The following FER1L5 variants were observed in gnomAD, a reference collection of about 807,000 sequenced individuals.
The protein encoded by FER1L5 is fer-1-like protein 5.
In FER1L5, 187 loss-of-function variants were observed where a neutral mutation model predicts 279.9. The ratio of observed to expected loss-of-function variants is 0.67; its 90% CI spans 0.59 to 0.75. FER1L5 has a LOEUF of 0.75. Ranked by LOEUF, FER1L5 falls within the 30% of genes least tolerant of loss-of-function variation. The probability of loss-of-function intolerance (pLI) is 0.00; values close to 1 mark genes in which losing one functional copy is unlikely to be tolerated. For synonymous variants in FER1L5, 921 were observed against 989.7 expected, an observed-to-expected ratio of 0.93 and a Z score of 1.30; for missense variants, 2,091 against 2,594.4, an observed-to-expected ratio of 0.81 and a Z score of 4.21.
At chr2:96,677,488 A>T (rs2076550499) in intron 19 of FER1L5, among the ~76,000 whole-genome samples, 2 of 152,208 alleles carry the variant, frequency 1.3e-5, no homozygotes, top group Non-Finnish European at 2.9e-5. Context: ...ATTGCCAAAT[A>T]GTATTCCATC....
At position 96,694,729 on chromosome 2, in the gene FER1L5, C is replaced by A; in HGVS notation, c.3741+265C>A. The A allele has an allele frequency of 3.0e-6, 1 of 334,880 alleles. No homozygotes were observed. The highest frequency in any genetic ancestry group is 5.4e-6 in the Non-Finnish European group (1 of 185,956). The allele number at this position is 334,880 out of a possible 1,614,324, so 20.7% of individuals were successfully genotyped here. A position where few individuals can be genotyped will look rare whatever the true frequency, so the allele number is the denominator to read the frequency against. ...ACTTGTGGGACTCACGCTGCCCCTG[C>A]GCAGTAGCAACTACTTTGCAGAGAA... On this transcript the variant is annotated intron_variant, in intron 34 of 52. Transcript: ENST00000624922. The surrounding 1 kb of genome is among the most constrained non-coding windows in gnomAD (Gnocchi z 4.6).
At chr2:96,671,610 T>A (rs139680197) in intron 18 of FER1L5, among the ~76,000 whole-genome samples, 1 of 152,254 alleles carries the variant, frequency 6.6e-6, no homozygotes, top group Non-Finnish European at 1.5e-5. Context: ...GACACAGGGA[T>A]GTGACATCAA....
chr2:96,659,354 C>CTTTCT (rs1558853488), intron 9 of FER1L5, among the ~76,000 whole-genome samples: 6 of 64,396 alleles, frequency 9.3e-5, no homozygotes, highest in Non-Finnish European at 1.4e-4. Flanking sequence ...TCCTTCCTTC[C>CTTTCT]TTCCTTCCTT....
At chr2:96,665,667 C>T (rs555496228) in intron 14 of FER1L5, among the ~76,000 whole-genome samples, 2 of 151,620 alleles carry the variant, frequency 1.3e-5, no homozygotes, top group Non-Finnish European at 2.9e-5. Context: ...TGCAATGGCG[C>T]GATCTCGGCT....
chr2:96,675,588 G>T (rs541954806), intron 19 of FER1L5, among the ~76,000 whole-genome samples: 3 of 151,842 alleles, frequency 2.0e-5, no homozygotes, highest in Non-Finnish European at 4.4e-5. Flanking sequence ...CACCATGCCC[G>T]GCTAATTTTT....
chr2:96,691,317 G>C lies in FER1L5; in HGVS notation c.2871G>C (p.Leu957=), dbSNP rs1270643491. ...TGCGCTTCAGGAACCATGGGGAGCT[G>C]AGCCACGAGCAGGAGACCCTCTCCT... ...ARVRFRNHGE[L]SHEQETLSFL... is the part of the protein sequence containing the mutation. The change falls in exon 28 of 53, where the codon CTG becomes CTC. Residue 957 remains leucine, a synonymous_variant. Transcript: ENST00000624922. This position sits in a 1 kb window ranked among gnomAD's most constrained non-coding sequence, Gnocchi z 6.0. 1.5e-5 allele frequency: 23 copies of C among 1,550,434 alleles called. No individual in the cohort carries two copies. The highest frequency in any genetic ancestry group is 1.9e-5 in the Non-Finnish European group (22 of 1,146,738).
rs2106634854 is a variant in FER1L5, at chr2:96,689,389, G to T, written c.2525+13G>T. On this transcript the variant is annotated intron_variant, in intron 25 of 52. Coordinates refer to ENST00000624922, the MANE Select transcript of FER1L5 (RefSeq NM_001293083.2). This position sits in a 1 kb window ranked among gnomAD's most constrained non-coding sequence, Gnocchi z 4.6. The stretch of plus-strand genomic sequence containing the variant: ...AACCTCAGAGAAGGTAAGGCCAGAG[G>T]GGGCAGGCCCCACCAGAGGGGACAC... 6.5e-7 allele frequency: 1 copy of T among 1,546,850 alleles called. No homozygotes were observed. Among genetic ancestry groups the T allele is most frequent in the East Asian group, 2.4e-5 (1 of 40,898 alleles).
chr2:96,700,047 T>C lies in FER1L5; in HGVS notation c.4897T>C (p.Tyr1633His). Residue 1633 changes from tyrosine (Y) to histidine (H), a missense_variant, in exon 44 of 53, where the codon TAT becomes CAT. Physicochemically the swap from Tyr to His is moderately conservative, Grantham distance 83 (BLOSUM62 2). Coordinates refer to ENST00000624922, the MANE Select transcript of FER1L5 (RefSeq NM_001293083.2). ...LFSPEEDAVF[Y>H]NGKKFKLQSF... ...CAGTCCTGAGGAAGATGCTGTTTTC[T>C]ATAATGGGAAAAAGTTCAAGCTGCA... 1.2e-6 allele frequency: 2 copies of C among 1,613,910 alleles called. No individual in the cohort carries two copies. The highest frequency in any genetic ancestry group is 1.1e-5 in the South Asian group (1 of 91,072).
rs762674473 is a variant in FER1L5 at position 96,691,868 on chromosome 2, A to C, written c.3119A>C (p.Lys1040Thr). 1.3e-6 allele frequency: 2 copies of C among 1,551,584 alleles called. No individual in the cohort carries two copies. The highest frequency in any genetic ancestry group is 1.4e-5 in the African/African-American group (1 of 73,162). The change falls in exon 30 of 53, where the codon AAG becomes ACG. Residue 1040 changes from lysine to threonine, a missense_variant. By Grantham distance (78) the Lys-to-Thr change is moderately conservative. Transcript: ENST00000624922. This position sits in a 1 kb window ranked among gnomAD's most constrained non-coding sequence, Gnocchi z 6.0. ...CACGCTGGGAAGGAAGAGGACAGCA[A>C]GACATGGCCATGGGGTCTGGACAGA... is the stretch of plus-strand genomic sequence containing the variant. ...KYHAGKEEDS[K>T]TWPWGLDRQF... is the part of the protein sequence containing the mutation.
chr2:96,703,940 T>C (rs1217178598), intron 51 of FER1L5, among the ~76,000 whole-genome samples: 2 of 150,826 alleles, frequency 1.3e-5, no homozygotes, highest in Admixed American at 6.7e-5. Flanking sequence ...CTCAGCCTCC[T>C]GAGTAGCTGG....
intron 9 of FER1L5, among the ~76,000 whole-genome samples, chr2:96,659,093 G>A (rs1035583037): frequency 5.9e-5 from 9 of 151,692 alleles, no homozygotes; most frequent in African/African-American, 1.9e-4. Context: ...CACCACACCC[G>A]GCTAATATTT....
chr2:96,661,569 C>T lies in FER1L5; in HGVS notation c.895-99C>T, dbSNP rs2075955241. On this transcript the variant is annotated intron_variant, in intron 11 of 52. Transcript: ENST00000624922. ...CTGCGTCACTGCAGGGTTGTCCCAT[C>T]CCCCCTGCACCAAGTGGGAAGTTGG... 6 of 1,520,780 alleles carry T rather than the reference C, an allele frequency of 3.9e-6. 1 individual carries two copies. In the East Asian group the frequency reaches 1.5e-4, roughly 37 times the overall value. 94.2% of individuals were successfully genotyped at this position (1,520,780 alleles called of 1,614,324 possible).
intron 18 of FER1L5, among the ~76,000 whole-genome samples, chr2:96,672,345 G>C (rs2076358973): frequency 1.3e-5 from 2 of 152,154 alleles, no homozygotes; most frequent in Non-Finnish European, 1.5e-5. Flanking sequence ...CAAACTGCTG[G>C]GATTACAGGC....
At chr2:96,675,013 T>C (rs1421607678) in intron 19 of FER1L5, among the ~76,000 whole-genome samples, 1 of 152,230 alleles carries the variant, frequency 6.6e-6, no homozygotes, top group African/African-American at 2.4e-5. Context: ...AATGAAATCC[T>C]AAACATGATA....
chr2:96,683,574 G>T (rs569348383), intron 19 of FER1L5, among the ~76,000 whole-genome samples: 11 of 151,132 alleles, frequency 7.3e-5, no homozygotes, highest in East Asian at 1.9e-4. Context: ...TTCCGGGGGG[G>T]ACACAGCCAG....
rs1277666184 is a variant in FER1L5 at position 96,704,729 on chromosome 2, C to T, written c.*37C>T. The T allele has an allele frequency of 6.5e-7, 1 of 1,543,278 alleles. No individual in the cohort carries two copies. Among genetic ancestry groups the T allele is most frequent in the Non-Finnish European group, 8.9e-7 (1 of 1,117,454 alleles). ...TGCCTGGCTTTCCTCCTGCTACCAA[C>T]AGCCCTCCCCTTGGGCTGGCTACCA... On this transcript the variant is annotated 3_prime_UTR_variant, in exon 53 of 53. Transcript: ENST00000624922.
At position 96,694,251 on chromosome 2, in the gene FER1L5, C is replaced by T; in HGVS notation, c.3637-109C>T. ...CTCCCCTAAGTCCCCCTGCCAGCCC[C>T]TACCCATGGGGCTCTGGGCTCGGTG... is the stretch of plus-strand genomic sequence containing the variant. On this transcript the variant is annotated intron_variant, in intron 33 of 52. Coordinates refer to ENST00000624922, the MANE Select transcript of FER1L5 (RefSeq NM_001293083.2). The surrounding 1 kb of genome is among the most constrained non-coding windows in gnomAD (Gnocchi z 4.6). 7.6e-7 allele frequency: 1 copy of T among 1,319,372 alleles called. No individual in the cohort carries two copies. The allele number at this position is 1,319,372 out of a possible 1,614,324, so 81.7% of individuals were successfully genotyped here. A position where few individuals can be genotyped will look rare whatever the true frequency, so the allele number is the denominator to read the frequency against.
intron 50 of FER1L5, 72 bp downstream of exon 50, chr2:96,703,418 A>T (rs1177339239): frequency 6.2e-7 from 1 of 1,600,244 alleles, no homozygotes; most frequent in Non-Finnish European, 8.5e-7. Context: ...ACATCTAGGG[A>T]CCTAGCTAAA....
intron 45 of FER1L5, among the ~76,000 whole-genome samples, chr2:96,701,193 C>T (rs1274388943): frequency 6.6e-6 from 1 of 152,170 alleles, no homozygotes; most frequent in African/African-American, 2.4e-5. Flanking sequence ...GCCTGTAATC[C>T]CAGCTACTCA....
Sources: allele counts gnomAD v4.1 joint callset (sites outside exome capture counted in the v4.1 genomes callset), GRCh38; gene constraint gnomAD v4.1.1; non-coding constraint Gnocchi (gnomAD v3.1); transcripts MANE v1.5; gene names NCBI Gene and HGNC (gene_info 2026-07-23, HGNC 2026-07-21).